FBXO41: variants seen among roughly 807,000 people sequenced by gnomAD.
FBXO41 encodes the protein F-box protein 41.
Under a neutral mutation model 81.6 loss-of-function variants are expected in FBXO41, and 33 were observed. The ratio of observed to expected loss-of-function variants is 0.40; its 90% CI spans 0.31 to 0.54. FBXO41 has a LOEUF of 0.54. Among genes scored for constraint, FBXO41 ranks in the 20% least tolerant of loss-of-function variants. The pLI is 0.39. For missense variants in FBXO41, 1,107 were observed against 1,236.0 expected (o/e 0.90, Z 1.56); for synonymous variants, 576 against 552.7 (o/e 1.04, Z -0.59).
chr2:73,263,346 G>A (rs1041376270), intron 8 of FBXO41, 38 bp from the exon 9 acceptor site: 2 of 1,420,940 alleles, frequency 1.4e-6, no homozygotes, highest in Non-Finnish European at 1.9e-6. Context: ...GCAGCAGGGT[G>A]GCTTATACTG....
At chr2:73,265,084 G>A (rs1344840666) in intron 5 of FBXO41, among the ~76,000 whole-genome samples, 198 bp downstream of exon 5, 1 of 152,186 alleles carries the variant, frequency 6.6e-6, no homozygotes, top group Non-Finnish European at 1.5e-5. Flanking sequence ...CCCCAGATGT[G>A]GCATCCTTGT....
rs1688273885 is a variant in FBXO41, at chr2:73,266,317, G to T, written c.1131+140C>A. 1 of 1,065,256 alleles carries T rather than the reference G, an allele frequency of 9.4e-7. No homozygotes were observed. The highest frequency in any genetic ancestry group is 1.3e-6 in the Non-Finnish European group (1 of 755,784). The allele number at this position is 1,065,256 out of a possible 1,614,324, so 66.0% of individuals were successfully genotyped here. On this transcript the variant is annotated intron_variant, in intron 3 of 12. Transcript: ENST00000520530. The surrounding 1 kb of genome is among the most constrained non-coding windows in gnomAD (Gnocchi z 5.3). ...CCTGCCCAATCAAAGGGGCTCCCCT[G>T]TTCCTGGCATCTGCTGGTGGGGTAA...
chr2:73,283,804 G>C (rs1688915365), intron 1 of FBXO41, among the ~76,000 whole-genome samples: 1 of 152,116 alleles, frequency 6.6e-6, no homozygotes. Flanking sequence ...AACCGGTAGG[G>C]AGGGTTGGGG....
Position 73,265,804 on chromosome 2 carries a change from G to A in FBXO41, c.1205+89C>T, listed in dbSNP as rs1688241011. On this transcript the variant is annotated intron_variant, in intron 4 of 12. Coordinates refer to ENST00000520530, the MANE Select transcript of FBXO41 (RefSeq NM_001371389.2). ...CATACGTGACCCAGGGAGGGTAGGGGCAGGAGGGTGACACAAGCCCCAGAC... is the reference window on the plus strand; with the variant it reads ...CATACGTGACCCAGGGAGGGTAGGGACAGGAGGGTGACACAAGCCCCAGAC... The A allele has an allele frequency of 5.4e-6, 8 of 1,486,214 alleles. No individual in the cohort carries two copies. The South Asian group carries it at 7.4e-5, about 14-fold the overall frequency. The allele number at this position is 1,486,214 out of a possible 1,614,324, so 92.1% of individuals were successfully genotyped here.
Position 73,259,391 on chromosome 2 carries a change from G to T in FBXO41, c.2450-95C>A. The T allele has an allele frequency of 1.9e-6, 2 of 1,055,936 alleles. No homozygotes were observed. Among genetic ancestry groups the T allele is most frequent in the Non-Finnish European group, 2.9e-6 (2 of 693,448 alleles). 65.4% of individuals were successfully genotyped at this position (1,055,936 alleles called of 1,614,324 possible). On this transcript the variant is annotated intron_variant, in intron 11 of 12. Coordinates refer to ENST00000520530, the MANE Select transcript of FBXO41 (RefSeq NM_001371389.2). The surrounding 1 kb of genome is among the most constrained non-coding windows in gnomAD (Gnocchi z 4.2). The stretch of plus-strand genomic sequence containing the variant: ...AATTAATGAAATCAGACAATCAGGT[G>T]CCAGCTACCGGGAACACGACAGAGG...
At position 73,260,875 on chromosome 2, in the gene FBXO41, G is replaced by A. The variant is rs757685558; in HGVS notation, c.2172-17C>T. ...GGCTGCTGGCTGGAGAATGGGAAGG[G>A]GGAGCCGTCAGGGAAGTCTCTGGAT... On this transcript the variant is annotated splice_polypyrimidine_tract_variant and intron_variant, in intron 9 of 12. Coordinates refer to ENST00000520530, the MANE Select transcript of FBXO41 (RefSeq NM_001371389.2). The surrounding 1 kb of genome is among the most constrained non-coding windows in gnomAD (Gnocchi z 5.0). 6 of 1,546,718 alleles carry A rather than the reference G, an allele frequency of 3.9e-6. No individual in the cohort carries two copies. The South Asian group carries it at 7.2e-5, about 18-fold the overall frequency.
Position 73,260,321 on chromosome 2 carries a change from G to A in FBXO41, c.2449+68C>T. On this transcript the variant is annotated intron_variant, in intron 11 of 12. Transcript: ENST00000520530. This position sits in a 1 kb window ranked among gnomAD's most constrained non-coding sequence, Gnocchi z 5.0. ...ATCCATCTGCCCCAGTGATAGTTAG[G>A]ATACCTGCTGACAGGGCCCCGTGGC... The A allele has an allele frequency of 1.3e-6, 2 of 1,542,322 alleles. No individual in the cohort carries two copies. Among genetic ancestry groups the A allele is most frequent in the Middle Eastern group, 1.7e-4 (1 of 5,888 alleles).
intron 1 of FBXO41, among the ~76,000 whole-genome samples, chr2:73,281,555 T>C (rs918982694): frequency 1.3e-5 from 2 of 152,238 alleles, no homozygotes; most frequent in African/African-American, 4.8e-5. Context: ...GGACTTGTCC[T>C]CTTGGAATAC....
chr2:73,269,448 GGCA>G lies in FBXO41; in HGVS notation c.180_182del (p.Ala61del), dbSNP rs1688412087. ...GCTCGGGAGCCAGCGGGAACCCCGA[GGCA>G]GCGGCGGCGGCGGCCGCGGCGGCGG... On this transcript the variant is annotated inframe_deletion, in exon 2 of 13. Coordinates refer to ENST00000520530, the MANE Select transcript of FBXO41 (RefSeq NM_001371389.2). This position sits in a 1 kb window ranked among gnomAD's most constrained non-coding sequence, Gnocchi z 7.0. The G allele has an allele frequency of 1.5e-6, 2 of 1,302,882 alleles. No individual in the cohort carries two copies. The highest frequency in any genetic ancestry group is 1.9e-6 in the Non-Finnish European group (2 of 1,028,982). The allele number at this position is 1,302,882 out of a possible 1,614,324, so 80.7% of individuals were successfully genotyped here.
chr2:73,263,950 G>A lies in FBXO41; in HGVS notation c.1910C>T (p.Ala637Val). The change falls in exon 7 of 13, where the codon GCC (alanine) becomes GTC (valine). Residue 637 changes from alanine to valine, a missense_variant. Transcript: ENST00000520530. ...RGKKESKEEY[A>V]RSTRGCLEAG... Reference sequence around the variant, plus strand: ...TCGCAGGCCTCACCGGGTGCTCCGGGCATACTCCTCCTTGCTCTCCTTCTT... The same window carrying A: ...TCGCAGGCCTCACCGGGTGCTCCGGACATACTCCTCCTTGCTCTCCTTCTT... The A allele has an allele frequency of 1.2e-6, 2 of 1,609,778 alleles. No individual in the cohort carries two copies. Among genetic ancestry groups the A allele is most frequent in the Admixed American group, 1.7e-5 (1 of 59,280 alleles).
At chr2:73,281,262 A>C (rs1688839818) in intron 1 of FBXO41, among the ~76,000 whole-genome samples, 1 of 152,260 alleles carries the variant, frequency 6.6e-6, no homozygotes, top group Non-Finnish European at 1.5e-5. Flanking sequence ...TTCTGGTCAG[A>C]CATCATGCTA....
rs1293889227 is a variant in FBXO41, at chr2:73,266,922, C to G, written c.906-240G>C. The G allele has an allele frequency of 3.0e-5, 15 of 499,794 alleles. No individual in the cohort carries two copies. The highest frequency in any genetic ancestry group is 4.4e-5 in the Non-Finnish European group (13 of 296,304). The allele number at this position is 499,794 out of a possible 1,614,324, so 31.0% of individuals were successfully genotyped here. The stretch of plus-strand genomic sequence containing the variant: ...CCCACCCACCTGGCCCCAGACCCTG[C>G]TCTCCACAGAAATACTGCACACCCT... On this transcript the variant is annotated intron_variant, in intron 2 of 12. Transcript: ENST00000520530. The surrounding 1 kb of genome is among the most constrained non-coding windows in gnomAD (Gnocchi z 5.3).
In FBXO41 at chr2:73,271,146, C is replaced by T. The variant is rs77400390; in HGVS notation, c.-138-1378G>A. The T allele has an allele frequency of 5.2e-3, 1,828 of 353,670 alleles. 28 individuals carry two copies. The highest frequency in any genetic ancestry group is 0.037 in the African/African-American group (1,716 of 46,782). The allele number at this position is 353,670 out of a possible 1,614,324, so 21.9% of individuals were successfully genotyped here. Reference sequence around the variant, plus strand: ...ACACAGGTTTACTTGCACCTGTAAGCTCTACTTCTCCATCCTGACCTGCCG... The same window carrying T: ...ACACAGGTTTACTTGCACCTGTAAGTTCTACTTCTCCATCCTGACCTGCCG... On this transcript the variant is annotated intron_variant, in intron 1 of 12. Coordinates refer to ENST00000520530, the MANE Select transcript of FBXO41 (RefSeq NM_001371389.2).
chr2:73,265,303 A>G lies in FBXO41; in HGVS notation c.1543T>C (p.Leu515=), dbSNP rs764533392. Reference sequence around the variant, plus strand: ...CTACCTGAGAGCCGGCAGCTGCTCAATGGCCCAGCCATAGCAGGCCCGGGG... The same window carrying G: ...CTACCTGAGAGCCGGCAGCTGCTCAGTGGCCCAGCCATAGCAGGCCCGGGG... ...PRPGPAMAGP[L]SSCRLSARPE... is the part of the protein sequence containing the mutation. The change falls in exon 5 of 13, where the codon TTG becomes CTG. Residue 515 remains leucine, a synonymous_variant. Coordinates refer to ENST00000520530, the MANE Select transcript of FBXO41 (RefSeq NM_001371389.2). 1.2e-6 allele frequency: 2 copies of G among 1,608,240 alleles called. No individual in the cohort carries two copies. The highest frequency in any genetic ancestry group is 2.7e-5 in the African/African-American group (2 of 74,882).
Position 73,268,841 on chromosome 2 carries a change from C to G in FBXO41, c.790G>C (p.Glu264Gln). ...AGCTCAGACGCGCGCTCCTCCAGCT[C>G]CTCCTTCTCGCGCCCGAGCCTCGCA... Reference protein sequence around the residue: ...ESARLGREKEELEERASELSR... With the variant: ...ESARLGREKEQLEERASELSR... Residue 264 changes from glutamate to glutamine, a missense_variant, in exon 2 of 13, where the codon GAG (glutamate) becomes CAG (glutamine). By Grantham distance (29) the Glu-to-Gln change is conservative (BLOSUM62 2). Around this residue, in one of 2 missense-constraint regions of FBXO41, gnomAD observed 771 missense variants for 789.2 expected, o/e 0.98. Coordinates refer to ENST00000520530, the MANE Select transcript of FBXO41 (RefSeq NM_001371389.2). 2.5e-6 allele frequency: 4 copies of G among 1,575,404 alleles called. No homozygotes were observed. The highest frequency in any genetic ancestry group is 3.4e-6 in the Non-Finnish European group (4 of 1,161,906).
intron 2 of FBXO41, among the ~76,000 whole-genome samples, chr2:73,268,476 G>A (rs1357515611): frequency 6.6e-6 from 1 of 152,170 alleles, no homozygotes; most frequent in Non-Finnish European, 1.5e-5. Context: ...AAATGCAGGG[G>A]TTGGCTTGTC....
In FBXO41 at chr2:73,265,805, C is replaced by T. The variant is rs1688241117; in HGVS notation, c.1205+88G>A. ...ATACGTGACCCAGGGAGGGTAGGGGCAGGAGGGTGACACAAGCCCCAGACA... is the reference window on the plus strand; with the variant it reads ...ATACGTGACCCAGGGAGGGTAGGGGTAGGAGGGTGACACAAGCCCCAGACA... On this transcript the variant is annotated intron_variant, in intron 4 of 12. Transcript: ENST00000520530. The T allele has an allele frequency of 1.1e-5, 17 of 1,489,432 alleles. No individual in the cohort carries two copies. The South Asian group carries it at 1.7e-4, about 15-fold the overall frequency. 92.3% of individuals were successfully genotyped at this position (1,489,432 alleles called of 1,614,324 possible). A position where few individuals can be genotyped will look rare whatever the true frequency, so the allele number is the denominator to read the frequency against.
intron 5 of FBXO41, among the ~76,000 whole-genome samples, chr2:73,264,814 G>T (rs974563367): frequency 6.6e-6 from 1 of 151,780 alleles, no homozygotes; most frequent in Non-Finnish European, 1.5e-5. Flanking sequence ...GAAAGGGGTT[G>T]GGGGGGCGGT....
chr2:73,283,407 C>G (rs1046807436), intron 1 of FBXO41, among the ~76,000 whole-genome samples: 2 of 152,248 alleles, frequency 1.3e-5, no homozygotes, highest in Non-Finnish European at 2.9e-5. Context: ...CCTTACTCTC[C>G]TGCTCCTGCA....
Sources: gnomAD v4.1 joint callset for allele counts (sites outside exome capture counted in the v4.1 genomes callset) on GRCh38, gnomAD v4.1.1 for gene constraint, gnomAD v4.1.1 regional missense constraint, Gnocchi (gnomAD v3.1) non-coding constraint, MANE v1.5 for transcripts, NCBI Gene and HGNC (gene_info 2026-07-23, HGNC 2026-07-21) for gene names.